EYA3: variants seen among roughly 807,000 people sequenced by gnomAD.
EYA3 encodes the protein EYA transcriptional coactivator and phosphatase 3.
EYA3 carries 39 observed loss-of-function variants against 80.0 expected under a neutral mutation model. That is an observed-to-expected ratio of 0.49 (90% CI 0.38 to 0.64). The LOEUF (loss-of-function observed/expected upper bound fraction) is 0.64, where lower values mean the gene tolerates loss of function less well. EYA3 is among the 30% of genes least tolerant of loss of function. The pLI is 0.00. For synonymous variants in EYA3, 206 were observed against 232.8 expected (o/e 0.88, Z 1.05); for missense variants, 523 against 676.1 (o/e 0.77, Z 2.51).
At chr1:28,082,912 C>T (rs1645482757) in intron 1 of EYA3, among the ~76,000 whole-genome samples, 1 of 152,046 alleles carries the variant, frequency 6.6e-6, no homozygotes, top group Non-Finnish European at 1.5e-5. Context: ...TATGGTTTTG[C>T]CATCTGAGAA....
chr1:27,996,926 T>C (rs1640496147), intron 13 of EYA3, among the ~76,000 whole-genome samples: 1 of 152,196 alleles, frequency 6.6e-6, no homozygotes, highest in Admixed American at 6.5e-5. Context: ...CTCCCTGTGT[T>C]GTCCAGGCTG....
intron 10 of EYA3, among the ~76,000 whole-genome samples, chr1:28,007,717 C>T (rs978493375): frequency 2.6e-5 from 4 of 152,006 alleles, no homozygotes; most frequent in African/African-American, 9.7e-5. Flanking sequence ...AAAGAAAATA[C>T]TTAGGAATAA....
intron 12 of EYA3, 56 bp from the exon 13 acceptor site, chr1:27,997,434 T>C: frequency 7.0e-7 from 1 of 1,418,742 alleles, no homozygotes; most frequent in Non-Finnish European, 1.0e-6. Context: ...GATATTACCA[T>C]CATGACATAC....
At chr1:28,066,027 A>G (rs2148917934) in intron 1 of EYA3, among the ~76,000 whole-genome samples, 1 of 151,970 alleles carries the variant, frequency 6.6e-6, no homozygotes, top group South Asian at 2.1e-4. Flanking sequence ...AACAAAAAAG[A>G]GTTACTCGAA....
intron 1 of EYA3, among the ~76,000 whole-genome samples, chr1:28,083,536 A>T (rs1429461875): frequency 6.6e-6 from 1 of 152,122 alleles, no homozygotes; most frequent in Non-Finnish European, 1.5e-5. Flanking sequence ...AAAAAAGAAT[A>T]GTACCCTTAT....
chr1:27,972,985 T>A lies in EYA3; in HGVS notation c.*1481A>T, dbSNP rs1638786851. 1 of 152,420 alleles carries A rather than the reference T, an allele frequency of 6.6e-6. No homozygotes were observed. Among genetic ancestry groups the A allele is most frequent in the Admixed American group, 6.5e-5 (1 of 15,286 alleles). 9.4% of individuals were successfully genotyped at this position (152,420 alleles called of 1,614,324 possible). ...ACTTTGAGAGGCCGAGGTGGGAGGA[T>A]CGCTTGAGGCCAGGTGTTCAAGACC... On this transcript the variant is annotated 3_prime_UTR_variant, in exon 18 of 18. Coordinates refer to ENST00000373871, the MANE Select transcript of EYA3 (RefSeq NM_001990.4).
At chr1:28,070,273 G>A (rs1004331593) in intron 1 of EYA3, among the ~76,000 whole-genome samples, 4 of 151,932 alleles carry the variant, frequency 2.6e-5, no homozygotes, top group Admixed American at 6.6e-5. Flanking sequence ...AGAAATCTAA[G>A]TAAGGGGCCG....
intron 1 of EYA3, among the ~76,000 whole-genome samples, chr1:28,064,070 G>A (rs1644739443): frequency 6.6e-6 from 1 of 152,088 alleles, no homozygotes; most frequent in African/African-American, 2.4e-5. Context: ...AGTGTCAACA[G>A]TAGTGGCTTA....
intron 6 of EYA3, among the ~76,000 whole-genome samples, chr1:28,032,996 C>T (rs1643232883): frequency 6.6e-6 from 1 of 152,184 alleles, no homozygotes; most frequent in Non-Finnish European, 1.5e-5. Context: ...TAGCTTACCT[C>T]TTAGGGCTGT....
intron 8 of EYA3, among the ~76,000 whole-genome samples, chr1:28,015,343 G>A (rs1422076083): frequency 6.6e-6 from 1 of 152,138 alleles, no homozygotes; most frequent in African/African-American, 2.4e-5. Flanking sequence ...AATAAGACTT[G>A]GATTCTTTAG....
chr1:27,985,545 G>A (rs1259386240), intron 16 of EYA3, among the ~76,000 whole-genome samples: 3 of 152,124 alleles, frequency 2.0e-5, no homozygotes, highest in South Asian at 2.1e-4. Flanking sequence ...ACCCCAGGGC[G>A]TAGTTCTTAG....
At chr1:27,984,882 TTCTC>T (rs918913295) in intron 16 of EYA3, among the ~76,000 whole-genome samples, 1 of 152,130 alleles carries the variant, frequency 6.6e-6, no homozygotes, top group African/African-American at 2.4e-5. Context: ...TCTCCTTCCA[TTCTC>T]TCTCATTTAC....
At chr1:28,028,459 A>G (rs2148827956) in intron 6 of EYA3, among the ~76,000 whole-genome samples, 1 of 152,278 alleles carries the variant, frequency 6.6e-6, no homozygotes, top group South Asian at 2.1e-4. Flanking sequence ...TATTTTTATA[A>G]ATTAAAAACA....
chr1:28,087,306 G>A (rs996025675), intron 1 of EYA3, among the ~76,000 whole-genome samples: 1 of 151,722 alleles, frequency 6.6e-6, no homozygotes, highest in Non-Finnish European at 1.5e-5. Context: ...ATCTCAAAAT[G>A]AGAAAATGAT....
chr1:28,033,341 T>A (rs1643254391), intron 6 of EYA3, among the ~76,000 whole-genome samples: 1 of 152,178 alleles, frequency 6.6e-6, no homozygotes, highest in Non-Finnish European at 1.5e-5. Context: ...TCTTATAATT[T>A]CTCTGGTAAA....
chr1:28,086,358 C>T (rs545442408), intron 1 of EYA3, among the ~76,000 whole-genome samples: 13 of 152,174 alleles, frequency 8.5e-5, no homozygotes, highest in African/African-American at 2.6e-4. Flanking sequence ...GGACTACAGG[C>T]GCACACCACT....
chr1:27,982,031 G>T (rs1189574999), intron 16 of EYA3, among the ~76,000 whole-genome samples: 5 of 143,516 alleles, frequency 3.5e-5, no homozygotes, highest in Non-Finnish European at 6.0e-5. Flanking sequence ...TTTTGAGACA[G>T]AGTCTTTCTC....
intron 8 of EYA3, among the ~76,000 whole-genome samples, chr1:28,015,850 A>G (rs896361598): frequency 3.9e-5 from 6 of 152,212 alleles, no homozygotes; most frequent in African/African-American, 1.4e-4. Flanking sequence ...ATTAAGAAAA[A>G]TGTAGTATCA....
intron 4 of EYA3, among the ~76,000 whole-genome samples, chr1:28,040,391 T>A (rs1571871856): frequency 6.6e-6 from 1 of 152,164 alleles, no homozygotes; most frequent in Non-Finnish European, 1.5e-5. Context: ...TAGGTATGAT[T>A]TTCCTTCCAG....
Sources: allele counts gnomAD v4.1 joint callset (sites outside exome capture counted in the v4.1 genomes callset), GRCh38; gene constraint gnomAD v4.1.1; transcripts MANE v1.5; gene names NCBI Gene and HGNC (gene_info 2026-07-23, HGNC 2026-07-21).